TAOK3: variants seen among roughly 807,000 people sequenced by gnomAD.
TAOK3 encodes the protein serine/threonine-protein kinase TAO3.
TAOK3 carries 40 observed loss-of-function variants against 120.4 expected under a neutral mutation model. That is an observed-to-expected ratio of 0.33 (90% confidence interval 0.26 to 0.43). TAOK3 has a LOEUF of 0.43. Ranked by LOEUF, TAOK3 falls within the 20% of genes least tolerant of loss-of-function variation. The pLI is 1.00. For missense variants in TAOK3, 821 were observed against 1,112.1 expected, an observed-to-expected ratio of 0.74 and a Z score of 3.72; for synonymous variants, 355 against 387.5, an observed-to-expected ratio of 0.92 and a Z score of 0.99.
At chr12:118,325,706 G>C (rs1215678850) in intron 1 of TAOK3, among the ~76,000 whole-genome samples, 1 of 152,040 alleles carries the variant, frequency 6.6e-6, no homozygotes, top group Non-Finnish European at 1.5e-5. Flanking sequence ...TTGAGATAGA[G>C]TCTCGCTGTC....
intron 5 of TAOK3, 138 bp downstream of exon 5, chr12:118,243,277 A>G: frequency 1.8e-6 from 1 of 567,186 alleles, no homozygotes; most frequent in Admixed American, 3.6e-5. Context: ...CAAAGTATTA[A>G]CAAATGTTAA....
chr12:118,209,929 T>C (rs1179469959), intron 11 of TAOK3, among the ~76,000 whole-genome samples: 1 of 152,060 alleles, frequency 6.6e-6, no homozygotes, highest in Non-Finnish European at 1.5e-5. Flanking sequence ...CTTGAACACC[T>C]AGGTTCAAGT....
Position 118,189,704 on chromosome 12 carries a change from T to C in TAOK3, c.1329+103A>G, listed in dbSNP as rs2037316555. 5 of 1,401,370 alleles carry C rather than the reference T, an allele frequency of 3.6e-6. No individual in the cohort carries two copies. In the Admixed American group the frequency reaches 6.0e-5, roughly 17 times the overall value. 86.8% of individuals were successfully genotyped at this position (1,401,370 alleles called of 1,614,324 possible). A position where few individuals can be genotyped will look rare whatever the true frequency, so the allele number is the denominator to read the frequency against. ...GAGAGAGAAAACATTCTTGACTCCTTTCCTCCCATCCATGAAGCCGAGACA... is the reference window on the plus strand; with the variant it reads ...GAGAGAGAAAACATTCTTGACTCCTCTCCTCCCATCCATGAAGCCGAGACA... On this transcript the variant is annotated intron_variant, in intron 14 of 20. Transcript: ENST00000392533.
intron 1 of TAOK3, among the ~76,000 whole-genome samples, chr12:118,328,978 C>T (rs2044039599): frequency 6.6e-6 from 1 of 152,178 alleles, no homozygotes; most frequent in South Asian, 2.1e-4. Flanking sequence ...GTTAAGGTCT[C>T]TGTCCTCAAA....
In TAOK3 at chr12:118,257,968, C is replaced by G. The variant is rs535246758; in HGVS notation, c.-88-2313G>C. On this transcript the variant is annotated intron_variant, in intron 2 of 20. Coordinates refer to ENST00000392533, the MANE Select transcript of TAOK3 (RefSeq NM_016281.4). ...TTATAGACATTAAATTATAAAGACA[C>G]AAATGATAAAGTGGTTTTAACTGAT... Among the ~76,000 whole-genome samples, 14 of 152,106 alleles carry G rather than the reference C, an allele frequency of 9.2e-5. No homozygotes were observed. In the South Asian group the frequency reaches 2.5e-3, roughly 27 times the overall value.
At chr12:118,247,614 A>G (rs2040573737) in intron 3 of TAOK3, among the ~76,000 whole-genome samples, 1 of 152,106 alleles carries the variant, frequency 6.6e-6, no homozygotes, top group Non-Finnish European at 1.5e-5. Flanking sequence ...TCCCAGGCTC[A>G]AGTGATCTTC....
At chr12:118,340,666 C>T (rs2044576991) in intron 1 of TAOK3, among the ~76,000 whole-genome samples, 1 of 151,872 alleles carries the variant, frequency 6.6e-6, no homozygotes, top group South Asian at 2.1e-4. Flanking sequence ...TAACAGTTAT[C>T]AATTCATGGC....
intron 1 of TAOK3, among the ~76,000 whole-genome samples, chr12:118,350,336 T>G (rs958018813): frequency 2.6e-5 from 4 of 152,112 alleles, no homozygotes; most frequent in Non-Finnish European, 5.9e-5. Context: ...CCACAGATCT[T>G]GAACAAACCA....
At chr12:118,208,194 T>C (rs993518122) in intron 11 of TAOK3, among the ~76,000 whole-genome samples, 4 of 152,226 alleles carry the variant, frequency 2.6e-5, no homozygotes, top group African/African-American at 9.6e-5. Flanking sequence ...TTCAATAATT[T>C]TACCTCAGTT....
chr12:118,182,617 A>AT (rs1321007800), intron 14 of TAOK3, among the ~76,000 whole-genome samples: 34 of 89,736 alleles, frequency 3.8e-4, no homozygotes, highest in African/African-American at 4.0e-4. Context: ...ATATATATAT[A>AT]TATATATTTT....
At chr12:118,318,381 T>A (rs1009375876) in intron 1 of TAOK3, among the ~76,000 whole-genome samples, 3 of 151,950 alleles carry the variant, frequency 2.0e-5, no homozygotes, top group Admixed American at 2.0e-4. Context: ...TGGTCTCGAT[T>A]TCTAGACCTC....
At chr12:118,245,074 T>C (rs2040431327) in intron 3 of TAOK3, 109 bp from the exon 4 acceptor site, 1 of 636,098 alleles carries the variant, frequency 1.6e-6, no homozygotes, top group Non-Finnish European at 2.5e-6. Context: ...TTATTGACAG[T>C]CTCATTCTGT....
intron 14 of TAOK3, among the ~76,000 whole-genome samples, chr12:118,187,257 C>T (rs140021973): frequency 7.9e-5 from 12 of 152,190 alleles, no homozygotes; most frequent in African/African-American, 2.9e-4. Flanking sequence ...AGTATTGCCA[C>T]CAACTATGAG....
chr12:118,228,757 T>A (rs535899647), intron 9 of TAOK3, among the ~76,000 whole-genome samples: 163 of 152,322 alleles, frequency 1.1e-3, no homozygotes, highest in Non-Finnish European at 2.0e-3. Context: ...CTTCCTTCCT[T>A]GGCAGCTTCT....
intron 8 of TAOK3, among the ~76,000 whole-genome samples, chr12:118,234,536 G>A (rs989645382): frequency 1.3e-5 from 2 of 151,972 alleles, no homozygotes; most frequent in East Asian, 1.9e-4. Context: ...GAGCCACCGC[G>A]CCTGGAGTCT....
chr12:118,318,807 G>A (rs892560342), intron 1 of TAOK3, among the ~76,000 whole-genome samples: 6 of 152,170 alleles, frequency 3.9e-5, no homozygotes, highest in Admixed American at 3.3e-4. Context: ...ATTCACAACA[G>A]CTAAGATAAG....
At chr12:118,251,403 C>T (rs2040744908) in intron 3 of TAOK3, among the ~76,000 whole-genome samples, 1 of 152,114 alleles carries the variant, frequency 6.6e-6, no homozygotes, top group African/African-American at 2.4e-5. Context: ...AGTTAATTCC[C>T]TTTTAATCTG....
intron 3 of TAOK3, chr12:118,246,581 C>T: frequency 7.6e-6 from 12 of 1,570,148 alleles, no homozygotes; most frequent in Non-Finnish European, 8.6e-6. Flanking sequence ...TCCCCGTGCG[C>T]AGAGGCTACT....
At chr12:118,329,641 CTT>C (rs201156393) in intron 1 of TAOK3, among the ~76,000 whole-genome samples, 4,937 of 152,126 alleles carry the variant, frequency 0.032, 136 homozygotes, top group Non-Finnish European at 0.049. Flanking sequence ...TATTCTATGA[CTT>C]TGGTTTTTTC....
Sources: allele counts gnomAD v4.1 joint callset (sites outside exome capture counted in the v4.1 genomes callset), GRCh38; gene constraint gnomAD v4.1.1; transcripts MANE v1.5; gene names NCBI Gene and HGNC (gene_info 2026-07-23, HGNC 2026-07-21).